Variants in ENTPD6 observed in about 807,000 individuals in gnomAD.
The protein encoded by ENTPD6 is ectonucleoside triphosphate diphosphohydrolase 6, also known as CD39 antigen-like 2.
A neutral mutation model predicts 61.5 loss-of-function variants in ENTPD6; 46 were observed. The ratio of observed to expected loss-of-function variants is 0.75; its 90% CI spans 0.59 to 0.96. The LOEUF (loss-of-function observed/expected upper bound fraction) is 0.96, where lower values mean the gene tolerates loss of function less well. Ranked by LOEUF, ENTPD6 falls within the 40% of genes least tolerant of loss-of-function variation. ENTPD6 has a pLI of 0.00. For missense variants in ENTPD6, 612 were observed against 629.0 expected, an observed-to-expected ratio of 0.97 and a Z score of 0.29; for synonymous variants, 252 against 255.5, an observed-to-expected ratio of 0.99 and a Z score of 0.13.
chr20:25,196,952 C>G (rs1206795457), intron 1 of ENTPD6, among the ~76,000 whole-genome samples: 1 of 151,984 alleles, frequency 6.6e-6, no homozygotes, highest in East Asian at 1.9e-4. Flanking sequence ...GATCTGGAAG[C>G]GCCTCCCCTC....
At chr20:25,217,644 C>CG in intron 9 of ENTPD6, 63 bp downstream of exon 9, 1 of 1,395,766 alleles carries the variant, frequency 7.2e-7, no homozygotes, top group Non-Finnish European at 1.0e-6. Flanking sequence ...CCCAGGGCCT[C>CG]GCATGGCCCT....
At position 25,226,709 on chromosome 20, in the gene ENTPD6, C is replaced by G. The variant is rs2092802154; in HGVS notation, c.*1112C>G. 1 of 152,326 alleles carries G rather than the reference C, an allele frequency of 6.6e-6. No individual in the cohort carries two copies. The highest frequency in any genetic ancestry group is 2.4e-5 in the African/African-American group (1 of 41,466). 9.4% of individuals were successfully genotyped at this position (152,326 alleles called of 1,614,324 possible). On this transcript the variant is annotated 3_prime_UTR_variant, in exon 15 of 15. Coordinates refer to ENST00000376652, the MANE Select transcript of ENTPD6 (RefSeq NM_001247.5). ...TGTTCCACTCCCAATAAAAGGTTGA[C>G]AGGGGCTTCTCCTTCTCTGGGATTC...
At chr20:25,212,406 G>T (rs2092029127) in intron 4 of ENTPD6, among the ~76,000 whole-genome samples, 1 of 152,166 alleles carries the variant, frequency 6.6e-6, no homozygotes, top group Admixed American at 6.5e-5. Flanking sequence ...CTGGATGTGG[G>T]CTTGGGTCAC....
rs1262452935 is a variant in ENTPD6 at position 25,227,278 on chromosome 20, G to A, written c.*1681G>A. On this transcript the variant is annotated 3_prime_UTR_variant, in exon 15 of 15. Coordinates refer to ENST00000376652, the MANE Select transcript of ENTPD6 (RefSeq NM_001247.5). ...AAAGAGGAACAGTTTCCTCCCTCCC[G>A]CCTGGGCTGGGTCCCCACCAGCGCC... Among the ~76,000 whole-genome samples, 3 of 152,208 alleles carry A rather than the reference G, an allele frequency of 2.0e-5. No homozygotes were observed. The highest frequency in any genetic ancestry group is 2.1e-4 in the South Asian group (1 of 4,830).
At chr20:25,208,648 G>A (rs1375087651) in intron 3 of ENTPD6, among the ~76,000 whole-genome samples, 1 of 152,102 alleles carries the variant, frequency 6.6e-6, no homozygotes, top group East Asian at 1.9e-4. Context: ...AATTTAGTAT[G>A]CCTCCTTATT....
At chr20:25,212,236 G>A (rs551732623) in intron 4 of ENTPD6, among the ~76,000 whole-genome samples, 15 of 152,304 alleles carry the variant, frequency 9.8e-5, no homozygotes, top group African/African-American at 3.4e-4. Context: ...TCCAGCCTTG[G>A]GTTCTGGATC....
intron 1 of ENTPD6, among the ~76,000 whole-genome samples, chr20:25,200,705 G>T (rs942897680): frequency 6.6e-6 from 1 of 151,816 alleles, no homozygotes; most frequent in Admixed American, 6.6e-5. Context: ...TCTAGCTAAA[G>T]GTTTGACAGT....
rs897116655 is a variant in ENTPD6, at chr20:25,210,076, G to A, written c.453+151G>A. ...CATGCCATTTGGGATGGTCAGAAGA[G>A]AGAAGGTGTGCAGCGCGCGAGCCCA... is the stretch of plus-strand genomic sequence containing the variant. On this transcript the variant is annotated intron_variant, in intron 4 of 14. Coordinates refer to ENST00000376652, the MANE Select transcript of ENTPD6 (RefSeq NM_001247.5). 45 of 762,724 alleles carry A rather than the reference G, an allele frequency of 5.9e-5. 1 individual carries two copies. Among genetic ancestry groups the A allele is most frequent in the Non-Finnish European group, 1.0e-4 (45 of 451,860 alleles). The allele number at this position is 762,724 out of a possible 1,614,324, so 47.2% of individuals were successfully genotyped here.
intron 9 of ENTPD6, among the ~76,000 whole-genome samples, chr20:25,217,808 C>T (rs1160681662): frequency 2.0e-5 from 3 of 149,660 alleles, no homozygotes; most frequent in Non-Finnish European, 4.4e-5. Context: ...CCTCTCTCTC[C>T]TCCTCCTCCT....
At chr20:25,218,490 A>C (rs1224204515) in intron 9 of ENTPD6, 60 bp from the exon 10 acceptor site, 1 of 1,513,058 alleles carries the variant, frequency 6.6e-7, no homozygotes, top group Non-Finnish European at 9.0e-7. Flanking sequence ...CTCAGAGGTG[A>C]GCCTGCCATG....
Position 25,209,835 on chromosome 20 carries a change from T to C in ENTPD6, c.377-14T>C. 1.2e-6 allele frequency: 2 copies of C among 1,610,578 alleles called. No individual in the cohort carries two copies. Among genetic ancestry groups the C allele is most frequent in the Non-Finnish European group, 8.5e-7 (1 of 1,176,702 alleles). On this transcript the variant is annotated splice_polypyrimidine_tract_variant and intron_variant, in intron 3 of 14. Transcript: ENST00000376652. ...ATTCATAGTTGTACCCTTTTCAACA[T>C]GTTTTCCCCTTAGAAACTCCCACGT...
intron 9 of ENTPD6, among the ~76,000 whole-genome samples, chr20:25,218,075 C>T (rs911119997): frequency 4.0e-5 from 6 of 151,588 alleles, no homozygotes; most frequent in Non-Finnish European, 8.8e-5. Flanking sequence ...CTCCTCCTCC[C>T]GCCTCCTCTG....
At chr20:25,208,187 T>A (rs1443708498) in intron 3 of ENTPD6, among the ~76,000 whole-genome samples, 1 of 152,246 alleles carries the variant, frequency 6.6e-6, no homozygotes, top group Non-Finnish European at 1.5e-5. Context: ...TGCTGGACAT[T>A]TCTAGCTGCT....
chr20:25,197,054 C>T, intron 1 of ENTPD6: 1 of 984,852 alleles, frequency 1.0e-6, no homozygotes, highest in South Asian at 4.7e-5. Context: ...CTACTGAAAC[C>T]CACCAGGAGG....
chr20:25,210,154 C>T (rs938424408), intron 4 of ENTPD6, among the ~76,000 whole-genome samples: 3 of 152,264 alleles, frequency 2.0e-5, no homozygotes, highest in Non-Finnish European at 2.9e-5. Flanking sequence ...CGTGCCAGCG[C>T]TCACTTCTCC....
chr20:25,199,028 C>T (rs531020516), intron 1 of ENTPD6, among the ~76,000 whole-genome samples: 7 of 152,194 alleles, frequency 4.6e-5, no homozygotes, highest in Non-Finnish European at 1.0e-4. Flanking sequence ...TCCTACTGCC[C>T]GTTTTCCCCC....
At chr20:25,196,098 A>G in intron 1 of ENTPD6, 1 of 1,116,720 alleles carries the variant, frequency 9.0e-7, no homozygotes, top group Non-Finnish European at 1.1e-6. Flanking sequence ...GGCGGGCCAA[A>G]TAGCAGGGGC....
chr20:25,197,334 T>A, intron 1 of ENTPD6: 15 of 789,328 alleles, frequency 1.9e-5, no homozygotes, highest in Non-Finnish European at 2.1e-5. Flanking sequence ...TGCCTCCACC[T>A]GCTGGAGGGT....
At chr20:25,207,768 A>G (rs1429636125) in intron 3 of ENTPD6, among the ~76,000 whole-genome samples, 1 of 152,210 alleles carries the variant, frequency 6.6e-6, no homozygotes, top group African/African-American at 2.4e-5. Flanking sequence ...CCAGAAAATC[A>G]GGAAAGTCAG....
Sources: gnomAD v4.1 joint callset for allele counts (sites outside exome capture counted in the v4.1 genomes callset) on GRCh38, gnomAD v4.1.1 for gene constraint, MANE v1.5 for transcripts, NCBI Gene and HGNC (gene_info 2026-07-23, HGNC 2026-07-21) for gene names.